The following GNA12 variants were observed in gnomAD, a reference collection of about 807,000 sequenced individuals.
GNA12 encodes guanine nucleotide-binding protein subunit alpha-12.
In GNA12, 9 loss-of-function variants were observed where a neutral mutation model predicts 26.0. The ratio of observed to expected loss-of-function variants is 0.35; its 90% CI spans 0.21 to 0.60. The LOEUF is 0.60. GNA12 is among the 20% of genes least tolerant of loss of function. The probability of loss-of-function intolerance (pLI) is 0.78; values close to 1 mark genes in which losing one functional copy is unlikely to be tolerated. For synonymous variants in GNA12, 264 were observed against 219.6 expected, an observed-to-expected ratio of 1.20 and a Z score of -1.79; for missense variants, 405 against 525.8, an observed-to-expected ratio of 0.77 and a Z score of 2.25.
At chr7:2,786,244 G>T (rs1048759983) in intron 2 of GNA12, among the ~76,000 whole-genome samples, 1 of 152,124 alleles carries the variant, frequency 6.6e-6, no homozygotes, top group Admixed American at 6.5e-5. Flanking sequence ...GTCATCATTG[G>T]GGGGAGACCA....
At chr7:2,762,915 A>G in intron 2 of GNA12, 1 of 1,411,754 alleles carries the variant, frequency 7.1e-7, no homozygotes, top group Non-Finnish European at 9.3e-7. Flanking sequence ...AGAAGAGGCC[A>G]CAGGCGGGGA....
At chr7:2,735,714 G>C (rs556956170) in intron 2 of GNA12, among the ~76,000 whole-genome samples, 1 of 152,296 alleles carries the variant, frequency 6.6e-6, no homozygotes, top group Admixed American at 6.5e-5. Flanking sequence ...TTGGAATGCA[G>C]GAAAACTTAT....
chr7:2,743,591 C>T (rs1011024278), intron 2 of GNA12, among the ~76,000 whole-genome samples: 5 of 152,324 alleles, frequency 3.3e-5, no homozygotes, highest in African/African-American at 1.2e-4. Flanking sequence ...CAGCTCCGGT[C>T]TACAGCTCCC....
rs1789860876 is a variant in GNA12, at chr7:2,731,010, C to T, written c.*171G>A. On this transcript the variant is annotated 3_prime_UTR_variant, in exon 4 of 4. Transcript: ENST00000275364. This position sits in a 1 kb window ranked among gnomAD's most constrained non-coding sequence, Gnocchi z 6.0. ...TAGCTAACGTGACAGTTTCCATGTC[C>T]TTTTGCCTAGAGCTCGCTGGCTGGC... 1 of 553,494 alleles carries T rather than the reference C, an allele frequency of 1.8e-6. No individual in the cohort carries two copies. Among genetic ancestry groups the T allele is most frequent in the East Asian group, 2.8e-5 (1 of 35,804 alleles). 34.3% of individuals were successfully genotyped at this position (553,494 alleles called of 1,614,324 possible).
At position 2,731,763 on chromosome 7, in the gene GNA12, G is replaced by C. The variant is rs1789908735; in HGVS notation, c.577-13C>G. On this transcript the variant is annotated splice_polypyrimidine_tract_variant and intron_variant, in intron 3 of 3. Coordinates refer to ENST00000275364, the MANE Select transcript of GNA12 (RefSeq NM_007353.3). The surrounding 1 kb of genome is among the most constrained non-coding windows in gnomAD (Gnocchi z 6.0). The stretch of plus-strand genomic sequence containing the variant: ...TAGGAAAGTAATTCTGTAAAATACA[G>C]GATGAGGCAGAAATTTAGGGGGAGG... 1.5e-6 allele frequency: 2 copies of C among 1,373,278 alleles called. No homozygotes were observed. Among genetic ancestry groups the C allele is most frequent in the African/African-American group, 1.4e-5 (1 of 69,504 alleles). 85.1% of individuals were successfully genotyped at this position (1,373,278 alleles called of 1,614,324 possible).
chr7:2,781,100 G>A lies in GNA12; in HGVS notation c.525+13828C>T, dbSNP rs183116562. 2.1e-3 allele frequency among the ~76,000 whole-genome samples: 314 copies of A among 152,284 alleles called. 2 individuals are homozygous for A. The highest frequency in any genetic ancestry group is 2.8e-4 in the Non-Finnish European group (19 of 68,022). ...TTCTCAGAAGTGCCTATTGAAAGCCGTAACTCATACTGAATTGCCTATTTC... is the reference window on the plus strand; with the variant it reads ...TTCTCAGAAGTGCCTATTGAAAGCCATAACTCATACTGAATTGCCTATTTC... On this transcript the variant is annotated intron_variant, in intron 2 of 3. Coordinates refer to ENST00000275364, the MANE Select transcript of GNA12 (RefSeq NM_007353.3).
rs1404481597 is a variant in GNA12, at chr7:2,748,313, C to T, written c.526-14812G>A. Among the ~76,000 whole-genome samples, 7 of 152,220 alleles carry T rather than the reference C, an allele frequency of 4.6e-5. No individual in the cohort carries two copies. In the East Asian group the frequency reaches 5.8e-4, roughly 13 times the overall value. On this transcript the variant is annotated intron_variant, in intron 2 of 3. Coordinates refer to ENST00000275364, the MANE Select transcript of GNA12 (RefSeq NM_007353.3). ...CATGGTACTGGTACCAAAACAGACA[C>T]ATAGACCAATGGAACAGAACAGAGC...
At chr7:2,821,233 C>T (rs1284342254) in intron 1 of GNA12, among the ~76,000 whole-genome samples, 1 of 152,192 alleles carries the variant, frequency 6.6e-6, no homozygotes, top group Non-Finnish European at 1.5e-5. Context: ...AGAATCATTC[C>T]AATCACTCCT....
chr7:2,795,029 C>A lies in GNA12; in HGVS notation c.424G>T (p.Val142Leu), dbSNP rs140101989. ...TACAGCTGGAAGGTGGCCGGCTCCA[C>A]AGGCAGCCCCGCCTTGTTCTCGAAG... ...MAFENKAGLPVEPATFQLYVP... is the reference protein window; with the variant it reads ...MAFENKAGLPLEPATFQLYVP... The change falls in exon 2 of 4, where the codon GTG becomes TTG. Residue 142 changes from valine (V) to leucine (L), a missense_variant. Val to Leu is a conservative substitution (Grantham distance 32). Coordinates refer to ENST00000275364, the MANE Select transcript of GNA12 (RefSeq NM_007353.3). 2 of 1,614,176 alleles carry A rather than the reference C, an allele frequency of 1.2e-6. No homozygotes were observed. Among genetic ancestry groups the A allele is most frequent in the South Asian group, 2.2e-5 (2 of 91,088 alleles).
intron 1 of GNA12, among the ~76,000 whole-genome samples, chr7:2,839,901 G>A (rs1778940720): frequency 6.6e-6 from 1 of 152,060 alleles, no homozygotes; most frequent in Non-Finnish European, 1.5e-5. Flanking sequence ...TGGGAGGCTG[G>A]GACAGGAGAA....
chr7:2,800,953 A>G (rs1792794930), intron 1 of GNA12, among the ~76,000 whole-genome samples: 1 of 152,326 alleles, frequency 6.6e-6, no homozygotes, highest in East Asian at 1.9e-4. Flanking sequence ...AAGGAAACAA[A>G]GGCAATTCCT....
intron 2 of GNA12, among the ~76,000 whole-genome samples, chr7:2,758,638 T>G (rs993306520): frequency 6.6e-6 from 1 of 152,002 alleles, no homozygotes; most frequent in African/African-American, 2.4e-5. Context: ...CCTGAAAGGG[T>G]CTCGGGGGCC....
intron 2 of GNA12, among the ~76,000 whole-genome samples, chr7:2,745,824 G>T (rs1161706550): frequency 6.6e-6 from 1 of 152,166 alleles, no homozygotes; most frequent in South Asian, 2.1e-4. Context: ...GATGCAGGAA[G>T]ATCTACCAAG....
At chr7:2,810,810 A>G (rs560563377) in intron 1 of GNA12, among the ~76,000 whole-genome samples, 1 of 152,340 alleles carries the variant, frequency 6.6e-6, no homozygotes, top group South Asian at 2.1e-4. Context: ...AGGCAAGAGA[A>G]TCACTTGAAC....
chr7:2,810,164 G>A (rs1399173634), intron 1 of GNA12, among the ~76,000 whole-genome samples: 1 of 152,254 alleles, frequency 6.6e-6, no homozygotes, highest in Non-Finnish European at 1.5e-5. Context: ...TTGAACAGCA[G>A]AGATTTCTTT....
intron 2 of GNA12, among the ~76,000 whole-genome samples, chr7:2,772,726 C>A (rs868785410): frequency 5.3e-5 from 8 of 152,270 alleles, no homozygotes; most frequent in Middle Eastern, 3.4e-3. Flanking sequence ...GCTGGAGAGA[C>A]TATAAACCAG....
chr7:2,749,349 T>C (rs1032304214), intron 2 of GNA12, among the ~76,000 whole-genome samples: 6 of 152,162 alleles, frequency 3.9e-5, no homozygotes, highest in Admixed American at 1.3e-4. Flanking sequence ...TGATGAGTTC[T>C]TGTCCTTTGT....
chr7:2,785,906 A>C (rs1562427077), intron 2 of GNA12, among the ~76,000 whole-genome samples: 2 of 152,228 alleles, frequency 1.3e-5, no homozygotes, highest in African/African-American at 4.8e-5. Flanking sequence ...AAATAAAAAA[A>C]TAAATAAAAA....
At chr7:2,831,794 A>G (rs1225194648) in intron 1 of GNA12, among the ~76,000 whole-genome samples, 1 of 152,204 alleles carries the variant, frequency 6.6e-6, no homozygotes, top group East Asian at 1.9e-4. Context: ...TGTAGATATA[A>G]AACTGAGCAT....
Sources: gnomAD v4.1 joint callset for allele counts (sites outside exome capture counted in the v4.1 genomes callset) on GRCh38, gnomAD v4.1.1 for gene constraint, Gnocchi (gnomAD v3.1) non-coding constraint, MANE v1.5 for transcripts, NCBI Gene and HGNC (gene_info 2026-07-23, HGNC 2026-07-21) for gene names.